SRP68: variants seen among roughly 807,000 people sequenced by gnomAD.
SRP68 encodes signal recognition particle subunit SRP68.
SRP68 carries 15 observed loss-of-function variants against 82.2 expected under a neutral mutation model. The ratio of observed to expected loss-of-function variants is 0.18; its 90% CI spans 0.12 to 0.28. SRP68 has a LOEUF of 0.28. Ranked by LOEUF, SRP68 falls within the 10% of genes least tolerant of loss-of-function variation. SRP68 has a pLI of 1.00. For synonymous variants in SRP68, 261 were observed against 292.6 expected, an observed-to-expected ratio of 0.89 and a Z score of 1.10; for missense variants, 595 against 780.5, an observed-to-expected ratio of 0.76 and a Z score of 2.83.
chr17:76,062,499 A>ATAC (rs1567934593), intron 4 of SRP68, among the ~76,000 whole-genome samples: 1 of 88,626 alleles, frequency 1.1e-5, no homozygotes, highest in African/African-American at 5.8e-5. Context: ...TATATATATA[A>ATAC]TATATATATA....
chr17:76,043,656 G>T, intron 13 of SRP68, 173 bp downstream of exon 13: 1 of 539,958 alleles, frequency 1.9e-6, no homozygotes, highest in Non-Finnish European at 3.0e-6. Flanking sequence ...CTGGAGCACA[G>T]CCATGAGTGA....
chr17:76,054,367 C>G (rs930373938), intron 8 of SRP68, among the ~76,000 whole-genome samples: 1 of 151,672 alleles, frequency 6.6e-6, no homozygotes, highest in Non-Finnish European at 1.5e-5. Flanking sequence ...ACTATGGGGA[C>G]AAGAATCAAA....
intron 7 of SRP68, among the ~76,000 whole-genome samples, chr17:76,057,835 C>G (rs1272934831): frequency 6.6e-6 from 1 of 152,092 alleles, no homozygotes; most frequent in Admixed American, 6.6e-5. Flanking sequence ...CCACCATGCC[C>G]GACTAATTTT....
At position 76,062,738 on chromosome 17, in the gene SRP68, T is replaced by TACA. The variant is rs1555629407; in HGVS notation, c.562-1165_562-1164insTGT. On this transcript the variant is annotated intron_variant, in intron 4 of 15. Coordinates refer to ENST00000307877, the MANE Select transcript of SRP68 (RefSeq NM_014230.4). ...ATATATTATATTTATTTTATATATA[T>TACA]ATATATATATATATATATATATATA... 3.2e-4 allele frequency among the ~76,000 whole-genome samples: 7 copies of TACA among 21,716 alleles called. 2 individuals carry two copies. Among genetic ancestry groups the TACA allele is most frequent in the African/African-American group, 1.1e-3 (3 of 2,626 alleles). 14.2% of individuals were successfully genotyped at this position (21,716 alleles called of 152,430 possible).
intron 3 of SRP68, among the ~76,000 whole-genome samples, chr17:76,064,512 T>C (rs1366298833): frequency 6.6e-6 from 1 of 152,048 alleles, no homozygotes; most frequent in Non-Finnish European, 1.5e-5. Context: ...AATCAACACT[T>C]CCTTCATCTC....
At chr17:76,056,613 A>T (rs2066715554) in intron 8 of SRP68, among the ~76,000 whole-genome samples, 1 of 152,204 alleles carries the variant, frequency 6.6e-6, no homozygotes, top group African/African-American at 2.4e-5. Flanking sequence ...TTCTGGAGCA[A>T]GTTGCTGAAA....
intron 2 of SRP68, 102 bp downstream of exon 2, chr17:76,070,276 G>T: frequency 1.8e-5 from 14 of 774,438 alleles, no homozygotes; most frequent in Non-Finnish European, 2.5e-5. Flanking sequence ...CAATGCTCTA[G>T]ACTTTCTAGC....
At chr17:76,069,032 T>G (rs2066828499) in intron 2 of SRP68, among the ~76,000 whole-genome samples, 1 of 149,644 alleles carries the variant, frequency 6.7e-6, no homozygotes, top group Non-Finnish European at 1.5e-5. Context: ...TATATAAAAT[T>G]GCACCAACCT....
intron 2 of SRP68, among the ~76,000 whole-genome samples, chr17:76,067,860 G>C (rs2066818848): frequency 1.3e-5 from 2 of 152,170 alleles, no homozygotes; most frequent in Non-Finnish European, 2.9e-5. Flanking sequence ...CATGTTCAAG[G>C]AACCCACATT....
intron 8 of SRP68, among the ~76,000 whole-genome samples, chr17:76,056,033 C>T (rs1007053658): frequency 6.6e-6 from 1 of 151,884 alleles, no homozygotes; most frequent in African/African-American, 2.4e-5. Context: ...GGCTGGTCTC[C>T]AACTCCTGAG....
At chr17:76,052,542 C>T (rs529477031) in intron 8 of SRP68, among the ~76,000 whole-genome samples, 3 of 152,108 alleles carry the variant, frequency 2.0e-5, no homozygotes, top group East Asian at 3.9e-4. Context: ...CGGTGGCTCA[C>T]GCCTGTAATC....
intron 8 of SRP68, chr17:76,053,314 T>A: frequency 1.0e-5 from 2 of 199,310 alleles, no homozygotes; most frequent in African/African-American, 2.4e-5. Flanking sequence ...AGCCACATTC[T>A]CAGCAGAAAG....
At position 76,040,453 on chromosome 17, in the gene SRP68, G is replaced by A. The variant is rs2066580875; in HGVS notation, c.1622C>T (p.Thr541Ile). 1 of 1,614,152 alleles carries A rather than the reference G, an allele frequency of 6.2e-7. No homozygotes were observed. The highest frequency in any genetic ancestry group is 8.5e-7 in the Non-Finnish European group (1 of 1,179,992). Residue 541 changes from threonine (T) to isoleucine (I), a missense_variant, in exon 15 of 16, where the codon ACA (threonine) becomes ATA (isoleucine). This residue lies in a region of SRP68 where 495 missense variants were observed against 688.6 expected (regional missense o/e 0.72). Coordinates refer to ENST00000307877, the MANE Select transcript of SRP68 (RefSeq NM_014230.4). Reference protein sequence around the residue: ...AILDANDAHQTETSSSQVKDN... With the variant: ...AILDANDAHQIETSSSQVKDN... ...CTTGACTTGGGAGGAGGAGGTCTCT[G>A]TTTGATGAGCGTCGTTTGCATCTGA... is the stretch of plus-strand genomic sequence containing the variant.
In SRP68 at chr17:76,072,334, T is replaced by C. The variant is rs753894919; in HGVS notation, c.158A>G (p.Glu53Gly). The C allele has an allele frequency of 6.2e-7, 1 of 1,612,214 alleles. No homozygotes were observed. Among genetic ancestry groups the C allele is most frequent in the Non-Finnish European group, 8.5e-7 (1 of 1,179,486 alleles). Residue 53 changes from glutamate (E) to glycine (G), a missense_variant, in exon 1 of 16, where the codon GAA becomes GGA. Glu to Gly is a moderately conservative substitution (Grantham distance 98). Coordinates refer to ENST00000307877, the MANE Select transcript of SRP68 (RefSeq NM_014230.4). The surrounding 1 kb of genome is among the most constrained non-coding windows in gnomAD (Gnocchi z 4.5). Reference protein sequence around the residue: ...RPSAGSKANKEFGDSLSLEIL... With the variant: ...RPSAGSKANKGFGDSLSLEIL... ...CTCCAAACTCAGGCTATCCCCAAAT[T>C]CTTTGTTTGCCTTCGATCCGGCCGA...
intron 8 of SRP68, chr17:76,053,434 C>A: frequency 3.0e-6 from 3 of 985,054 alleles, no homozygotes; most frequent in African/African-American, 1.7e-5. Flanking sequence ...AAGAAAAGAG[C>A]GAACTTCGTC....
intron 13 of SRP68, among the ~76,000 whole-genome samples, chr17:76,042,164 G>A (rs1034821330): frequency 6.6e-6 from 1 of 152,024 alleles, no homozygotes; most frequent in Non-Finnish European, 1.5e-5. Flanking sequence ...GATTACAGGC[G>A]TGAGCCACGG....
chr17:76,067,152 CA>C, intron 3 of SRP68, 64 bp downstream of exon 3: 1 of 1,206,694 alleles, frequency 8.3e-7, no homozygotes, highest in Non-Finnish European at 1.2e-6. Context: ...TGAAGTCTAC[CA>C]CGTCATTGTT....
At chr17:76,062,705 A>T (rs1289937335) in intron 4 of SRP68, among the ~76,000 whole-genome samples, 1 of 77,592 alleles carries the variant, frequency 1.3e-5, no homozygotes, top group African/African-American at 6.6e-5. Flanking sequence ...TATATTGTAT[A>T]TTATACAATA....
intron 3 of SRP68, among the ~76,000 whole-genome samples, chr17:76,066,382 G>C (rs578261559): frequency 6.6e-6 from 1 of 151,406 alleles, no homozygotes; most frequent in Non-Finnish European, 1.5e-5. Context: ...CCCGGGAGGT[G>C]GAAGTTGCAG....
Sources: allele counts gnomAD v4.1 joint callset (sites outside exome capture counted in the v4.1 genomes callset), GRCh38; gene constraint gnomAD v4.1.1; regional missense constraint gnomAD v4.1.1; non-coding constraint Gnocchi (gnomAD v3.1); transcripts MANE v1.5; gene names NCBI Gene and HGNC (gene_info 2026-07-23, HGNC 2026-07-21).